The following VWA8 variants were observed in gnomAD, a reference collection of about 807,000 sequenced individuals.
VWA8 encodes the protein von Willebrand factor A domain-containing protein 8.
Under a neutral mutation model 241.5 loss-of-function variants are expected in VWA8, and 221 were observed. That is an observed-to-expected ratio of 0.91 (90% confidence interval 0.82 to 1.02). The LOEUF (loss-of-function observed/expected upper bound fraction) is 1.02, where lower values mean the gene tolerates loss of function less well. Among genes scored for constraint, VWA8 ranks in the 50% least tolerant of loss-of-function variants. The probability of loss-of-function intolerance (pLI) is 0.00; values close to 1 mark genes in which losing one functional copy is unlikely to be tolerated. For synonymous variants in VWA8, 852 were observed against 827.1 expected (o/e 1.03, Z -0.52); for missense variants, 2,322 against 2,328.7 (o/e 1.00, Z 0.06).
chr13:41,784,284 T>G (rs1351491519), intron 18 of VWA8, among the ~76,000 whole-genome samples: 1 of 152,186 alleles, frequency 6.6e-6, no homozygotes, highest in Non-Finnish European at 1.5e-5. Context: ...TATCTTTTAG[T>G]GTGCACCAAT....
chr13:41,618,634 C>T (rs1003029825), intron 37 of VWA8, among the ~76,000 whole-genome samples: 45 of 152,122 alleles, frequency 3.0e-4, no homozygotes, highest in Non-Finnish European at 5.4e-4. Flanking sequence ...TTTAATCCAT[C>T]TTGAATTAAT....
At chr13:41,770,731 C>G (rs1230841785) in intron 20 of VWA8, among the ~76,000 whole-genome samples, 1 of 151,582 alleles carries the variant, frequency 6.6e-6, no homozygotes, top group Non-Finnish European at 1.5e-5. Context: ...GAGAAGGCAT[C>G]CTGTATGAAA....
intron 42 of VWA8, among the ~76,000 whole-genome samples, chr13:41,578,302 C>A (rs2044362892): frequency 6.6e-6 from 1 of 152,086 alleles, no homozygotes; most frequent in South Asian, 2.1e-4. Flanking sequence ...AGTTTGCAGG[C>A]CCTGGTTTCT....
At chr13:41,705,506 CAG>C (rs932661823) in intron 26 of VWA8, among the ~76,000 whole-genome samples, 3 of 152,070 alleles carry the variant, frequency 2.0e-5, no homozygotes, top group African/African-American at 7.2e-5. Flanking sequence ...AATGTAGAAA[CAG>C]AAAAATAACA....
chr13:41,758,398 G>GTATATATATATATATA (rs1236188354), intron 21 of VWA8, among the ~76,000 whole-genome samples: 1 of 25,018 alleles, frequency 4.0e-5, no homozygotes, highest in Non-Finnish European at 9.1e-5. Flanking sequence ...ATATACGCTA[G>GTATATATATATATATA]TATATATATA....
intron 26 of VWA8, among the ~76,000 whole-genome samples, chr13:41,704,777 A>G (rs1289053833): frequency 6.6e-6 from 1 of 152,088 alleles, no homozygotes; most frequent in African/African-American, 2.4e-5. Context: ...TTTTAATCAT[A>G]CTATCTTTTA....
chr13:41,669,070 C>T (rs887676794), intron 37 of VWA8, among the ~76,000 whole-genome samples: 13 of 152,210 alleles, frequency 8.5e-5, no homozygotes, highest in African/African-American at 3.1e-4. Flanking sequence ...CAGGTTCAAG[C>T]AATTCTTGTG....
At chr13:41,901,378 T>G (rs1178995981) in intron 4 of VWA8, among the ~76,000 whole-genome samples, 1 of 152,180 alleles carries the variant, frequency 6.6e-6, no homozygotes, top group Non-Finnish European at 1.5e-5. Context: ...ATTTATCAGT[T>G]GTACAACCAT....
At chr13:41,853,880 GA>G (rs1872625234) in intron 12 of VWA8, among the ~76,000 whole-genome samples, 1 of 152,094 alleles carries the variant, frequency 6.6e-6, no homozygotes, top group Admixed American at 6.5e-5. Context: ...GTCCATGAAG[GA>G]AACAGAGTTG....
At chr13:41,951,970 C>T (rs1878157055) in intron 1 of VWA8, among the ~76,000 whole-genome samples, 1 of 152,096 alleles carries the variant, frequency 6.6e-6, no homozygotes, top group South Asian at 2.1e-4. Flanking sequence ...AAACTGGCAG[C>T]CAGAAAAAAG....
rs540583291 is a variant in VWA8, at chr13:41,864,825, A to G, written c.1425+911T>C. 1.3e-5 allele frequency among the ~76,000 whole-genome samples: 2 copies of G among 152,134 alleles called. 1 individual carries two copies. Among genetic ancestry groups the G allele is most frequent in the Middle Eastern group, 6.8e-3 (2 of 292 alleles). ...TACATGGCGAAACCCTGTCTCTACT[A>G]AAATACAAAAAAATTAGCTAGTCAT... is the stretch of plus-strand genomic sequence containing the variant. On this transcript the variant is annotated intron_variant, in intron 12 of 44. Transcript: ENST00000379310.
At chr13:41,955,913 G>A (rs540800091) in intron 1 of VWA8, 7 of 152,328 alleles carry the variant, frequency 4.6e-5, no homozygotes, top group African/African-American at 1.7e-4. Flanking sequence ...CAAGTAAGCT[G>A]TTTCCGTACC....
intron 1 of VWA8, 100 bp from the exon 2 acceptor site, chr13:41,950,113 C>G: frequency 1.6e-6 from 1 of 639,854 alleles, no homozygotes; most frequent in Non-Finnish European, 2.6e-6. Flanking sequence ...AGGGATGTTA[C>G]AGAAATGTAC....
chr13:41,720,883 A>G (rs533576546), intron 25 of VWA8, among the ~76,000 whole-genome samples: 3 of 152,280 alleles, frequency 2.0e-5, no homozygotes, highest in South Asian at 2.1e-4. Context: ...CACATTGTAC[A>G]TGGTCGCAGG....
At chr13:41,784,053 C>T in intron 18 of VWA8, 152 bp from the exon 19 acceptor site, 1 of 607,904 alleles carries the variant, frequency 1.6e-6, no homozygotes, top group Non-Finnish European at 2.8e-6. Flanking sequence ...AATAAAACAC[C>T]ACAGCTCTAG....
At position 41,875,052 on chromosome 13, in the gene VWA8, C is replaced by G. The variant is rs540746958; in HGVS notation, c.1081-6575G>C. Among the ~76,000 whole-genome samples the G allele has an allele frequency of 9.2e-5, 14 of 152,222 alleles. 1 individual carries two copies. In the South Asian group the frequency reaches 2.7e-3, roughly 29 times the overall value. Reference sequence around the variant, plus strand: ...CAAATTTCCAGAACCTAGAATCACACATGGGACGGTCAATGGTCAACAATG... The same window carrying G: ...CAAATTTCCAGAACCTAGAATCACAGATGGGACGGTCAATGGTCAACAATG... On this transcript the variant is annotated intron_variant, in intron 9 of 44. Transcript: ENST00000379310.
intron 2 of VWA8, chr13:41,926,682 G>A (rs1412676644): frequency 1.9e-6 from 1 of 540,160 alleles, no homozygotes; most frequent in African/African-American, 1.9e-5. Context: ...ATTACAGGCA[G>A]TTACAAGGTC....
At chr13:41,854,002 A>G (rs1393182548) in intron 12 of VWA8, among the ~76,000 whole-genome samples, 1 of 152,210 alleles carries the variant, frequency 6.6e-6, no homozygotes, top group Non-Finnish European at 1.5e-5. Context: ...CTCTGAAATC[A>G]GGGTGCAGCT....
rs745989812 is a variant in VWA8 at position 41,891,591 on chromosome 13, T to C, written c.484-4A>G. On this transcript the variant is annotated splice_region_variant and splice_polypyrimidine_tract_variant and intron_variant, in intron 4 of 44. Coordinates refer to ENST00000379310, the MANE Select transcript of VWA8 (RefSeq NM_015058.2). ...CTGTGGCTGCACGAACTGCACACTA[T>C]TTCCAAGAAACGTAAAAGCAAAATG... 3 of 1,613,706 alleles carry C rather than the reference T, an allele frequency of 1.9e-6. No homozygotes were observed. In the South Asian group the frequency reaches 3.3e-5, roughly 18 times the overall value.
Sources: gnomAD v4.1 joint callset for allele counts (sites outside exome capture counted in the v4.1 genomes callset) on GRCh38, gnomAD v4.1.1 for gene constraint, MANE v1.5 for transcripts, NCBI Gene and HGNC (gene_info 2026-07-23, HGNC 2026-07-21) for gene names.